The following STPG4 variants were observed in gnomAD, a reference collection of about 807,000 sequenced individuals.
STPG4 encodes sperm-tail PG-rich repeat containing 4, also known as protein STPG4.
Under a neutral mutation model 31.5 loss-of-function variants are expected in STPG4, and 41 were observed. That is an observed-to-expected ratio of 1.30 (90% CI 1.01 to 1.69). The LOEUF (loss-of-function observed/expected upper bound fraction) is 1.69, where lower values mean the gene tolerates loss of function less well. STPG4 is among the 40% of genes most tolerant of loss of function. The probability of loss-of-function intolerance (pLI) is 0.00; values close to 1 mark genes in which losing one functional copy is unlikely to be tolerated. For missense variants in STPG4, 375 were observed against 293.4 expected (o/e 1.28, Z -2.03); for synonymous variants, 141 against 103.0 (o/e 1.37, Z -2.24).
At chr2:47,095,877 G>C (rs1000093617) in intron 5 of STPG4, among the ~76,000 whole-genome samples, 2 of 152,228 alleles carry the variant, frequency 1.3e-5, no homozygotes, top group South Asian at 2.1e-4. Context: ...CTTCAGGAGA[G>C]GGCATATTGT....
rs376883674 is a variant in STPG4, at chr2:47,088,088, G to GT, written c.625-959dup. 2.3e-3 allele frequency among the ~76,000 whole-genome samples: 346 copies of GT among 150,508 alleles called. 2 individuals carry two copies. Among genetic ancestry groups the GT allele is most frequent in the African/African-American group, 7.2e-3 (293 of 40,978 alleles). ...GTTTTTGTTTGTTTGTTTGTTTTTGGTTTTTTTTTGAGATACGGTCTCACT... is the reference window on the plus strand; with the variant it reads ...GTTTTTGTTTGTTTGTTTGTTTTTGGTTTTTTTTTTGAGATACGGTCTCACT... On this transcript the variant is annotated intron_variant, in intron 6 of 6. Coordinates refer to ENST00000445927, the MANE Select transcript of STPG4 (RefSeq NM_001163561.2).
intron 5 of STPG4, among the ~76,000 whole-genome samples, chr2:47,116,111 G>A (rs1360806138): frequency 6.6e-6 from 1 of 152,198 alleles, no homozygotes; most frequent in African/African-American, 2.4e-5. Flanking sequence ...TTTTCCAGAG[G>A]ATAAACTCCA....
At chr2:47,094,935 G>A (rs1685640213) in intron 5 of STPG4, among the ~76,000 whole-genome samples, 2 of 152,234 alleles carry the variant, frequency 1.3e-5, no homozygotes, top group South Asian at 4.1e-4. Context: ...CCCCAGGGCT[G>A]GGAGGCTGGG....
intron 5 of STPG4, among the ~76,000 whole-genome samples, chr2:47,112,267 AGCTAT>A (rs1686053028): frequency 6.6e-6 from 1 of 152,012 alleles, no homozygotes; most frequent in African/African-American, 2.4e-5. Context: ...CTCAGGTTCA[AGCTAT>A]TCTTGGGCTT....
At chr2:47,143,296 A>G (rs1686753682) in intron 3 of STPG4, among the ~76,000 whole-genome samples, 2 of 152,174 alleles carry the variant, frequency 1.3e-5, no homozygotes, top group African/African-American at 4.8e-5. Context: ...GTGTGAGAGT[A>G]TCTGTTTGTG....
chr2:47,149,994 G>A (rs552745069), intron 3 of STPG4, among the ~76,000 whole-genome samples: 1 of 152,318 alleles, frequency 6.6e-6, no homozygotes, highest in East Asian at 1.9e-4. Flanking sequence ...TTTTGGTGCA[G>A]AAGCCCTCAG....
chr2:47,107,640 G>A (rs1047083349), intron 5 of STPG4, among the ~76,000 whole-genome samples: 22 of 152,172 alleles, frequency 1.4e-4, no homozygotes, highest in African/African-American at 4.8e-4. Context: ...CAGTCCCATC[G>A]ACACCCAAGG....
At chr2:47,088,859 A>G (rs75828512) in intron 6 of STPG4, among the ~76,000 whole-genome samples, 2,204 of 152,248 alleles carry the variant, frequency 0.014, 57 homozygotes, top group African/African-American at 0.051. Context: ...TATTGCTATT[A>G]ATGAGGGTTC....
At chr2:47,140,798 G>T (rs1346823357) in intron 3 of STPG4, among the ~76,000 whole-genome samples, 1 of 152,060 alleles carries the variant, frequency 6.6e-6, no homozygotes, top group African/African-American at 2.4e-5. Context: ...GAAGGCAACA[G>T]ATTTCTAATA....
chr2:47,151,734 T>C (rs956809145), intron 2 of STPG4, among the ~76,000 whole-genome samples: 1 of 152,080 alleles, frequency 6.6e-6, no homozygotes, highest in Admixed American at 6.6e-5. Context: ...GGGTTAGAGT[T>C]GAAATTTAAC....
At chr2:47,145,431 T>A (rs1256073998) in intron 3 of STPG4, among the ~76,000 whole-genome samples, 1 of 152,208 alleles carries the variant, frequency 6.6e-6, no homozygotes, top group Non-Finnish European at 1.5e-5. Flanking sequence ...GGGCTGTCCC[T>A]TTCATGAATT....
In STPG4 at chr2:47,142,531, C is replaced by T. The variant is rs549536173; in HGVS notation, c.399+8727G>A. Among the ~76,000 whole-genome samples, 117 of 152,170 alleles carry T rather than the reference C, an allele frequency of 7.7e-4. 5 individuals are homozygous for T. In the South Asian group the frequency reaches 0.023, roughly 30 times the overall value. ...GTTAGTTGGAAAAAATTTCGAGTTA[C>T]TTACAAATGGGCATGATTGAAAGAG... is the stretch of plus-strand genomic sequence containing the variant. On this transcript the variant is annotated intron_variant, in intron 3 of 6. Coordinates refer to ENST00000445927, the MANE Select transcript of STPG4 (RefSeq NM_001163561.2).
Position 47,114,543 on chromosome 2 carries a change from G to A in STPG4, c.519+15398C>T, listed in dbSNP as rs189485702. Among the ~76,000 whole-genome samples the A allele has an allele frequency of 6.6e-5, 10 of 152,110 alleles. No homozygotes were observed. The East Asian group carries it at 1.9e-3, about 29-fold the overall frequency. On this transcript the variant is annotated intron_variant, in intron 5 of 6. Coordinates refer to ENST00000445927, the MANE Select transcript of STPG4 (RefSeq NM_001163561.2). ...TAAAATAATAAAAATAAAAGACTAT[G>A]CATCGTCTTATCACAGCATTTGTTT...
At chr2:47,092,772 A>C (rs1326471498) in intron 5 of STPG4, among the ~76,000 whole-genome samples, 1 of 148,832 alleles carries the variant, frequency 6.7e-6, no homozygotes, top group Non-Finnish European at 1.5e-5. Context: ...CAGAAGAAGC[A>C]CTGCACTGCA....
At chr2:47,102,407 C>G (rs1314080647) in intron 5 of STPG4, among the ~76,000 whole-genome samples, 1 of 151,882 alleles carries the variant, frequency 6.6e-6, no homozygotes, top group African/African-American at 2.4e-5. Context: ...ATTTTCTGCA[C>G]TACGGCTTGG....
intron 5 of STPG4, among the ~76,000 whole-genome samples, chr2:47,106,433 G>A (rs563651654): frequency 4.6e-5 from 7 of 152,036 alleles, no homozygotes; most frequent in Admixed American, 3.9e-4. Context: ...ACAGGAACCG[G>A]AATAGCTGGT....
intron 2 of STPG4, among the ~76,000 whole-genome samples, chr2:47,151,923 T>TGTTTTG (rs34790632): frequency 8.2e-5 from 11 of 134,334 alleles, no homozygotes; most frequent in Admixed American, 2.2e-4. Flanking sequence ...TGTTTTGTTT[T>TGTTTTG]TTTTTTTTTT....
intron 5 of STPG4, among the ~76,000 whole-genome samples, chr2:47,115,763 C>T (rs1443270797): frequency 6.8e-6 from 1 of 147,018 alleles, no homozygotes; most frequent in African/African-American, 2.5e-5. Context: ...AGCGATTCTT[C>T]TGTCTCAGCC....
At chr2:47,096,312 C>A (rs964760843) in intron 5 of STPG4, among the ~76,000 whole-genome samples, 2 of 152,174 alleles carry the variant, frequency 1.3e-5, no homozygotes, top group African/African-American at 4.8e-5. Context: ...TCCGAGACGC[C>A]TCTCAAGGAA....
Sources: allele counts gnomAD v4.1 joint callset (sites outside exome capture counted in the v4.1 genomes callset), GRCh38; gene constraint gnomAD v4.1.1; transcripts MANE v1.5; gene names NCBI Gene and HGNC (gene_info 2026-07-23, HGNC 2026-07-21).